WDR45B: variants seen among roughly 807,000 people sequenced by gnomAD.
WDR45B encodes the protein WD repeat domain 45B.
In WDR45B, 20 loss-of-function variants were observed where a neutral mutation model predicts 44.6. The observed-to-expected ratio is 0.45, with a 90% CI of 0.32 to 0.65. WDR45B has a LOEUF of 0.65. WDR45B is among the 30% of genes least tolerant of loss of function. The pLI is 0.05. For synonymous variants in WDR45B, 169 were observed against 164.9 expected (o/e 1.02, Z -0.19); for missense variants, 323 against 430.2 (o/e 0.75, Z 2.20).
chr17:82,631,143 GATCTCACTGTGTT>G, intron 2 of WDR45B, 121 bp from the exon 3 acceptor site: 1 of 938,518 alleles, frequency 1.1e-6, no homozygotes, highest in South Asian at 1.4e-5. Flanking sequence ...TAAGAGACAA[GATCTCACTGTGTT>G]GCCCAGGCTG....
intron 1 of WDR45B, among the ~76,000 whole-genome samples, chr17:82,647,290 T>C (rs780356310): frequency 6.6e-5 from 10 of 152,220 alleles, no homozygotes; most frequent in Non-Finnish European, 1.3e-4. Context: ...CTGGATTCTC[T>C]TCAAAAACAA....
chr17:82,618,165 G>A (rs2045564877), intron 7 of WDR45B, among the ~76,000 whole-genome samples: 1 of 152,126 alleles, frequency 6.6e-6, no homozygotes, highest in African/African-American at 2.4e-5. Flanking sequence ...CCTGACCTCA[G>A]GTGATCCACC....
chr17:82,648,067 C>T (rs958619132), intron 1 of WDR45B, among the ~76,000 whole-genome samples: 7 of 148,604 alleles, frequency 4.7e-5, no homozygotes, highest in East Asian at 2.0e-4. Context: ...AGGTGGGAGC[C>T]GGTTCGGGCC....
At chr17:82,632,266 C>T (rs2045777797) in intron 2 of WDR45B, among the ~76,000 whole-genome samples, 1 of 151,886 alleles carries the variant, frequency 6.6e-6, no homozygotes, top group Non-Finnish European at 1.5e-5. Context: ...GGCTCAAGGA[C>T]TCCTCCTGCT....
intron 8 of WDR45B, among the ~76,000 whole-genome samples, chr17:82,616,951 G>A (rs1037159812): frequency 1.3e-5 from 2 of 152,066 alleles, no homozygotes; most frequent in Non-Finnish European, 2.9e-5. Flanking sequence ...CCGAGTAGCT[G>A]GGACTACAGG....
chr17:82,615,667 A>C lies in WDR45B; in HGVS notation c.*252T>G. 1 of 534,648 alleles carries C rather than the reference A, an allele frequency of 1.9e-6. No individual in the cohort carries two copies. Among genetic ancestry groups the C allele is most frequent in the African/African-American group, 1.9e-5 (1 of 52,372 alleles). 33.1% of individuals were successfully genotyped at this position (534,648 alleles called of 1,614,324 possible). On this transcript the variant is annotated 3_prime_UTR_variant, in exon 10 of 10. Transcript: ENST00000392325. ...TGAAGCTAACGTCACAGCTGAACTC[A>C]TGGGAACAGCCAGTGGCCGCCAGTC...
chr17:82,639,688 G>GGGCTGTGTCAGGTCGAGAGGGCTGCCA (rs1435989722), intron 2 of WDR45B, among the ~76,000 whole-genome samples: 3 of 151,140 alleles, frequency 2.0e-5, no homozygotes, highest in Non-Finnish European at 2.9e-5. Flanking sequence ...GCGGGCTGCT[G>GGGCTGTGTCAGGTCGAGAGGGCTGCCA]GGCTGTGTCA....
intron 3 of WDR45B, among the ~76,000 whole-genome samples, chr17:82,628,196 T>C (rs993343672): frequency 6.6e-6 from 1 of 152,188 alleles, no homozygotes; most frequent in African/African-American, 2.4e-5. Flanking sequence ...TTTTACCATG[T>C]TGTCCAGGCT....
chr17:82,621,637 C>T lies in WDR45B; in HGVS notation c.590G>A (p.Gly197Glu). 1.2e-6 allele frequency: 2 copies of T among 1,614,180 alleles called. No individual in the cohort carries two copies. The highest frequency in any genetic ancestry group is 2.2e-5 in the East Asian group (1 of 44,874). Residue 197 changes from glycine (G) to glutamate (E), a missense_variant, in exon 6 of 10, where the codon GGA (glycine) becomes GAA (glutamate). Physicochemically the swap from Gly to Glu is moderately conservative, Grantham distance 98. Transcript: ENST00000392325. ...VLSCIALNLQGTRIATASEKG... is the reference protein window; with the variant it reads ...VLSCIALNLQETRIATASEKG... ...CTCGGATGCAGTTGCAATTCTTGTT[C>T]CCTGCAGGTTGAGTGCAATGCAGCT...
intron 4 of WDR45B, chr17:82,625,791 G>A (rs977790528): frequency 3.3e-5 from 13 of 388,710 alleles, no homozygotes; most frequent in Non-Finnish European, 5.8e-5. Context: ...AAAACAGACA[G>A]AAGTGATATT....
intron 1 of WDR45B, 151 bp downstream of exon 1, chr17:82,648,123 G>A (rs940564460): frequency 1.1e-6 from 1 of 895,162 alleles, no homozygotes; most frequent in Non-Finnish European, 1.6e-6. Context: ...GAGGGCCGGG[G>A]CCGGGGGCTT....
chr17:82,644,185 A>T (rs2143386283), intron 1 of WDR45B, 162 bp from the exon 2 acceptor site: 1 of 713,470 alleles, frequency 1.4e-6, no homozygotes, highest in African/African-American at 1.8e-5. Flanking sequence ...AAATGTTACT[A>T]AGTGACAAGC....
At chr17:82,641,408 C>T (rs2045913905) in intron 2 of WDR45B, among the ~76,000 whole-genome samples, 1 of 152,172 alleles carries the variant, frequency 6.6e-6, no homozygotes, top group African/African-American at 2.4e-5. Flanking sequence ...AACTCCCAGA[C>T]CTTGTTACAA....
At chr17:82,629,227 T>C (rs746554432) in intron 3 of WDR45B, among the ~76,000 whole-genome samples, 1 of 152,166 alleles carries the variant, frequency 6.6e-6, no homozygotes, top group Non-Finnish European at 1.5e-5. Flanking sequence ...GTGCCAGAGG[T>C]AGGGCAAGGG....
chr17:82,631,883 G>C (rs577047118), intron 2 of WDR45B, among the ~76,000 whole-genome samples: 2 of 151,972 alleles, frequency 1.3e-5, no homozygotes, highest in East Asian at 3.9e-4. Context: ...AAGAGACTGA[G>C]ACCATCTGGG....
At chr17:82,643,901 C>T (rs373526715) in intron 2 of WDR45B, 48 bp downstream of exon 2, 13 of 1,588,614 alleles carry the variant, frequency 8.2e-6, no homozygotes, top group African/African-American at 5.4e-5. Flanking sequence ...TTTAAGACTC[C>T]GAGGGTTGGA....
At chr17:82,624,076 A>G (rs2045658876) in intron 5 of WDR45B, among the ~76,000 whole-genome samples, 1 of 152,132 alleles carries the variant, frequency 6.6e-6, no homozygotes, top group Admixed American at 6.5e-5. Flanking sequence ...CCCAAGAGAC[A>G]TGAAACTACC....
chr17:82,621,432 C>T (rs144962605), intron 6 of WDR45B, among the ~76,000 whole-genome samples, 177 bp downstream of exon 6: 4 of 152,314 alleles, frequency 2.6e-5, no homozygotes, highest in Admixed American at 6.5e-5. Flanking sequence ...GGGCACAAGA[C>T]GACCTGTGAA....
Position 82,630,981 on chromosome 17 carries a change from GAAAT to G in WDR45B, c.180_183del (p.Leu60PhefsTer6), listed in dbSNP as rs2045759707. ...CCAACTAAAGCTAAATAGTTGCAGC[GAAAT>G]AACATTTCAACATGGCCAACTCCTC... On this transcript the variant is annotated frameshift_variant, in exon 3 of 10. Transcript: ENST00000392325. LOFTEE classifies it high-confidence loss of function. The G allele has an allele frequency of 6.2e-7, 1 of 1,613,506 alleles. No individual in the cohort carries two copies. Among genetic ancestry groups the G allele is most frequent in the Non-Finnish European group, 8.5e-7 (1 of 1,180,000 alleles).
Sources: allele counts gnomAD v4.1 joint callset (sites outside exome capture counted in the v4.1 genomes callset), GRCh38; gene constraint gnomAD v4.1.1; transcripts MANE v1.5; gene names NCBI Gene and HGNC (gene_info 2026-07-23, HGNC 2026-07-21).